Variants in GREB1 observed in about 807,000 individuals in gnomAD.
GREB1 encodes the protein growth regulating estrogen receptor binding 1, also known as protein GREB1.
A neutral mutation model predicts 200.7 loss-of-function variants in GREB1; 106 were observed. The ratio of observed to expected loss-of-function variants is 0.53; its 90% CI spans 0.45 to 0.62. The LOEUF (loss-of-function observed/expected upper bound fraction) is 0.62, where lower values mean the gene tolerates loss of function less well. Among genes scored for constraint, GREB1 ranks in the 20% least tolerant of loss-of-function variants. The pLI, the probability that GREB1 is intolerant of heterozygous loss-of-function variation, is 0.00. For missense variants in GREB1, 2,243 were observed against 2,556.8 expected (o/e 0.88, Z 2.65); for synonymous variants, 1,132 against 1,092.4 (o/e 1.04, Z -0.72).
chr2:11,625,395 T>C, intron 24 of GREB1, 83 bp downstream of exon 24: 1 of 1,347,536 alleles, frequency 7.4e-7, no homozygotes. Flanking sequence ...TTGTTAGGCA[T>C]GAAATCAGGT....
At chr2:11,617,282 C>A (rs976415493) in intron 21 of GREB1, among the ~76,000 whole-genome samples, 2 of 152,216 alleles carry the variant, frequency 1.3e-5, no homozygotes, top group African/African-American at 4.8e-5. Flanking sequence ...CAGAGGAGGG[C>A]AGAGCCCCTG....
chr2:11,617,238 G>C (rs1270270912), intron 21 of GREB1, among the ~76,000 whole-genome samples: 1 of 152,216 alleles, frequency 6.6e-6, no homozygotes, highest in Admixed American at 6.5e-5. Context: ...TGCCCTAAGG[G>C]GTTCCTCTGT....
chr2:11,588,889 G>A lies in GREB1; in HGVS notation c.1303G>A (p.Glu435Lys). The A allele has an allele frequency of 6.2e-7, 1 of 1,614,212 alleles. No homozygotes were observed. Among genetic ancestry groups the A allele is most frequent in the Non-Finnish European group, 8.5e-7 (1 of 1,180,042 alleles). The change falls in exon 10 of 33, where the codon GAG becomes AAG. Residue 435 changes from glutamate (E) to lysine (K), a missense_variant. Coordinates refer to ENST00000381486, the MANE Select transcript of GREB1 (RefSeq NM_014668.4). ...GASAIQPISE[E>K]MQLLLTVYYL... ...CTCTGCCATCCAGCCCATCTCCGAG[G>A]AGATGCAGCTCCTGCTTACCGTCTA... is the stretch of plus-strand genomic sequence containing the variant.
At chr2:11,578,752 G>T (rs1558575441) in intron 6 of GREB1, among the ~76,000 whole-genome samples, 2 of 152,182 alleles carry the variant, frequency 1.3e-5, no homozygotes, top group Non-Finnish European at 2.9e-5. Flanking sequence ...CTGAGTCAGG[G>T]TTTGAATGAA....
At chr2:11,618,148 A>AGTCGCCCCTGAGATG in intron 21 of GREB1, 140 bp from the exon 22 acceptor site, 1 of 520,298 alleles carries the variant, frequency 1.9e-6, no homozygotes, top group African/African-American at 2.5e-5. Flanking sequence ...CTCCTGGGAC[A>AGTCGCCCCTGAGATG]GGTCACTCCT....
chr2:11,551,733 T>G (rs559518562), intron 1 of GREB1, among the ~76,000 whole-genome samples: 2 of 151,976 alleles, frequency 1.3e-5, no homozygotes, highest in Non-Finnish European at 2.9e-5. Context: ...GATTCAGCGC[T>G]CCCACCGCCG....
chr2:11,493,617 A>G lies in GREB1; in HGVS notation c.-159+11236A>G, dbSNP rs543232009. Among the ~76,000 whole-genome samples the G allele has an allele frequency of 5.3e-5, 8 of 152,336 alleles. No individual in the cohort carries two copies. The highest frequency in any genetic ancestry group is 1.9e-4 in the African/African-American group (8 of 41,572). On this transcript the variant is annotated intron_variant, in intron 1 of 2. Transcript: ENST00000628795. This position sits in a 1 kb window ranked among gnomAD's most constrained non-coding sequence, Gnocchi z 4.6. ...GGACTGGGGACCCCTGAATTCGCCT[A>G]TGTAAAATTGGTTTCCTTATACAGT...
Position 11,512,360 on chromosome 2 carries a change from A to G in GREB1, c.-159+29979A>G, listed in dbSNP as rs138106660. On this transcript the variant is annotated intron_variant, in intron 1 of 2. Coordinates refer to the GREB1 transcript ENST00000628795. ...GCTGAAGTAGAAAATTTTTTTAAAA[A>G]GCAGCTAAGTGCTTTCCTATTAAGT... Among the ~76,000 whole-genome samples the G allele has an allele frequency of 4.4e-4, 67 of 152,380 alleles. 2 individuals carry two copies. In the East Asian group the frequency reaches 0.013, roughly 29 times the overall value.
chr2:11,561,018 A>T (rs1239252634), intron 2 of GREB1, among the ~76,000 whole-genome samples: 1 of 152,140 alleles, frequency 6.6e-6, no homozygotes, highest in African/African-American at 2.4e-5. Context: ...GAATACAGGG[A>T]TGAGTGAGGG....
At chr2:11,560,971 A>G (rs1483345970) in intron 2 of GREB1, among the ~76,000 whole-genome samples, 1 of 152,178 alleles carries the variant, frequency 6.6e-6, no homozygotes, top group African/African-American at 2.4e-5. Context: ...GGGCTGCCCA[A>G]CACACAGTCA....
intron 12 of GREB1, 35 bp from the exon 13 acceptor site, chr2:11,596,076 A>G (rs767313207): frequency 6.3e-7 from 1 of 1,596,030 alleles, no homozygotes; most frequent in Non-Finnish European, 8.6e-7. Context: ...TTTCACTGAC[A>G]TCAAAAACCC....
chr2:11,562,980 CT>C (rs893489993), intron 3 of GREB1: 387 of 147,360 alleles, frequency 2.6e-3, no homozygotes, highest in Middle Eastern at 6.9e-3. Flanking sequence ...TTCTTTCTTT[CT>C]TTTTTTTTTT....
chr2:11,617,022 G>A (rs1683464626), intron 21 of GREB1, among the ~76,000 whole-genome samples: 1 of 152,222 alleles, frequency 6.6e-6, no homozygotes, highest in Admixed American at 6.5e-5. Context: ...CCGTGTTAGG[G>A]GCGGGTCCCC....
At position 11,625,097 on chromosome 2, in the gene GREB1, C is replaced by A. The variant is rs995742990; in HGVS notation, c.4148-57C>A. ...TTCTGTGTTGTTTAGCGACACATGA[C>A]TGTAAATCATTTTCACTTCCTATTT... On this transcript the variant is annotated intron_variant, in intron 23 of 32. Transcript: ENST00000381486. 7.4e-6 allele frequency: 10 copies of A among 1,360,482 alleles called. No homozygotes were observed. The African/African-American group carries it at 1.3e-4, about 18-fold the overall frequency. The allele number at this position is 1,360,482 out of a possible 1,614,324, so 84.3% of individuals were successfully genotyped here. A position where few individuals can be genotyped will look rare whatever the true frequency, so the allele number is the denominator to read the frequency against.
chr2:11,634,371 A>C, intron 29 of GREB1, 22 bp downstream of exon 29: 1 of 1,592,312 alleles, frequency 6.3e-7, no homozygotes, highest in South Asian at 1.1e-5. Flanking sequence ...CACCTGGGGC[A>C]GAGGCGGCGG....
At chr2:11,613,467 G>A (rs142346818) in intron 19 of GREB1, among the ~76,000 whole-genome samples, 1 of 152,152 alleles carries the variant, frequency 6.6e-6, no homozygotes, top group Non-Finnish European at 1.5e-5. Context: ...TATTTCAGTA[G>A]TCCCATTTTA....
chr2:11,488,919 G>A lies in GREB1; in HGVS notation c.-159+6538G>A, dbSNP rs142899905. Among the ~76,000 whole-genome samples, 700 of 126,040 alleles carry A rather than the reference G, an allele frequency of 5.6e-3. 4 individuals carry two copies. The highest frequency in any genetic ancestry group is 0.019 in the African/African-American group (656 of 34,892). 82.7% of individuals were successfully genotyped at this position (126,040 alleles called of 152,430 possible). A position where few individuals can be genotyped will look rare whatever the true frequency, so the allele number is the denominator to read the frequency against. ...TGAGAAGCCCTTTATATGACACACCGCATTTGCAGTGACATATTTATTTGT... is the reference window on the plus strand; with the variant it reads ...TGAGAAGCCCTTTATATGACACACCACATTTGCAGTGACATATTTATTTGT... On this transcript the variant is annotated intron_variant, in intron 1 of 2. Transcript: ENST00000628795.
intron 1 of GREB1, among the ~76,000 whole-genome samples, chr2:11,511,263 C>T (rs532793979): frequency 3.3e-5 from 5 of 152,092 alleles, no homozygotes; most frequent in African/African-American, 7.2e-5. Context: ...CATAGTTTTT[C>T]GGGTGCTACA....
chr2:11,609,794 C>T (rs1183791571), intron 17 of GREB1, among the ~76,000 whole-genome samples: 1 of 152,168 alleles, frequency 6.6e-6, no homozygotes, highest in African/African-American at 2.4e-5. Flanking sequence ...GAGCTGGCTG[C>T]CCTGATAGAA....
Sources: gnomAD v4.1 joint callset for allele counts (sites outside exome capture counted in the v4.1 genomes callset) on GRCh38, gnomAD v4.1.1 for gene constraint, Gnocchi (gnomAD v3.1) non-coding constraint, MANE v1.5 for transcripts, NCBI Gene and HGNC (gene_info 2026-07-23, HGNC 2026-07-21) for gene names.